MCC: variants seen among roughly 807,000 people sequenced by gnomAD.
MCC encodes MCC regulator of Wnt signaling pathway, also known as colorectal mutant cancer protein.
A neutral mutation model predicts 116.2 loss-of-function variants in MCC; 90 were observed. That is an observed-to-expected ratio of 0.77 (90% CI 0.65 to 0.92). The LOEUF is 0.92. Among genes scored for constraint, MCC ranks in the 40% least tolerant of loss-of-function variants. The pLI, the probability that MCC is intolerant of heterozygous loss-of-function variation, is 0.00. For missense variants in MCC, 1,516 were observed against 1,312.2 expected (o/e 1.16, Z -2.40); for synonymous variants, 578 against 510.5 (o/e 1.13, Z -1.78).
At position 113,027,433 on chromosome 5, in the gene MCC, G is replaced by A. The variant is rs776242771; in HGVS notation, c.2929C>T (p.Leu977=). The part of the protein sequence containing the change: ...EKAKKKHQNK[L]KKLESQMMAM... Reference sequence around the variant, plus strand: ...ATCATCTGCGACTCTAACTTCTTCAGTTTGTTTTGATGCTTTTTCTTTGCT... The same window carrying A: ...ATCATCTGCGACTCTAACTTCTTCAATTTGTTTTGATGCTTTTTCTTTGCT... The change falls in exon 19 of 19, where the codon CTG becomes TTG. Residue 977 remains leucine (L), a synonymous_variant. Transcript: ENST00000408903. 6.2e-7 allele frequency: 1 copy of A among 1,614,186 alleles called. No individual in the cohort carries two copies. The highest frequency in any genetic ancestry group is 1.1e-5 in the South Asian group (1 of 91,082).
At chr5:113,267,768 T>C (rs1765473656) in intron 3 of MCC, among the ~76,000 whole-genome samples, 1 of 152,142 alleles carries the variant, frequency 6.6e-6, no homozygotes, top group Admixed American at 6.5e-5. Flanking sequence ...GTAATGAAAA[T>C]GTTTTAAACG....
Position 113,142,460 on chromosome 5 carries a change from A to T in MCC, c.884+758T>A, listed in dbSNP as rs115059560. On this transcript the variant is annotated intron_variant, in intron 5 of 18. Transcript: ENST00000408903. ...AACCAACTAATCACTGTGGCAGGAG[A>T]CTTAGAGGCCAAGTGATTAATAAGT... is the stretch of plus-strand genomic sequence containing the variant. Among the ~76,000 whole-genome samples the T allele has an allele frequency of 6.8e-3, 1,028 of 151,982 alleles. 23 individuals carry two copies. The highest frequency in any genetic ancestry group is 0.023 in the African/African-American group (966 of 41,520).
chr5:113,135,294 C>T (rs547790692), intron 5 of MCC, among the ~76,000 whole-genome samples: 1 of 149,452 alleles, frequency 6.7e-6, no homozygotes, highest in Non-Finnish European at 1.5e-5. Context: ...GTGGCTCACA[C>T]CTGTAATCCC....
intron 3 of MCC, among the ~76,000 whole-genome samples, chr5:113,196,980 A>G (rs1235784180): frequency 6.6e-6 from 1 of 152,238 alleles, no homozygotes; most frequent in African/African-American, 2.4e-5. Flanking sequence ...ACATTGAAAT[A>G]AAAGATGCAG....
At chr5:113,396,712 C>T in intron 1 of MCC, among the ~76,000 whole-genome samples, 1 of 152,060 alleles carries the variant, frequency 6.6e-6, no homozygotes, top group East Asian at 1.9e-4. Context: ...CAAAAGGATT[C>T]CTCTGGAATT....
intron 2 of MCC, among the ~76,000 whole-genome samples, chr5:113,349,740 A>C (rs1768221119): frequency 6.6e-6 from 1 of 152,036 alleles, no homozygotes; most frequent in South Asian, 2.1e-4. Context: ...AAACTGGAAA[A>C]GAAGTCAAAT....
At chr5:113,297,749 CAAAAAAAAAAAAAA>C (rs57148050) in intron 3 of MCC, among the ~76,000 whole-genome samples, 46 of 60,544 alleles carry the variant, frequency 7.6e-4, no homozygotes, top group African/African-American at 2.5e-3. Context: ...GACTCTGTCT[CAAAAAAAAAAAAAA>C]AAAAAAAAAA....
At chr5:113,103,056 G>C (rs900168079) in intron 7 of MCC, among the ~76,000 whole-genome samples, 1 of 152,204 alleles carries the variant, frequency 6.6e-6, no homozygotes, top group African/African-American at 2.4e-5. Flanking sequence ...GGAGGTTGCA[G>C]TGAGCTGAGA....
chr5:113,480,314 A>G (rs1772346114), intron 1 of MCC, among the ~76,000 whole-genome samples: 1 of 152,220 alleles, frequency 6.6e-6, no homozygotes, highest in Non-Finnish European at 1.5e-5. Flanking sequence ...AGTTTTGACT[A>G]ATTCTCTAAT....
intron 1 of MCC, among the ~76,000 whole-genome samples, chr5:113,403,488 G>C (rs1769748625): frequency 6.6e-6 from 1 of 152,150 alleles, no homozygotes; most frequent in African/African-American, 2.4e-5. Context: ...TTAAACAAAA[G>C]GGGCTCTTCA....
At chr5:113,105,762 C>T (rs560532872) in intron 6 of MCC, among the ~76,000 whole-genome samples, 7 of 152,324 alleles carry the variant, frequency 4.6e-5, no homozygotes, top group South Asian at 4.1e-4. Context: ...CTACTCTCCA[C>T]GCGGTCACCA....
intron 3 of MCC, among the ~76,000 whole-genome samples, chr5:113,162,174 C>T (rs1300995804): frequency 6.6e-6 from 1 of 152,136 alleles, no homozygotes; most frequent in Non-Finnish European, 1.5e-5. Flanking sequence ...ACCCAGCCAA[C>T]AATAGTCCCA....
At chr5:113,465,902 G>A (rs560188687) in intron 1 of MCC, among the ~76,000 whole-genome samples, 14 of 152,108 alleles carry the variant, frequency 9.2e-5, no homozygotes, top group African/African-American at 3.1e-4. Context: ...GACTGCTGAT[G>A]TTAAACTCTG....
rs566535926 is a variant in MCC, at chr5:113,471,391, A to C, written c.170+16854T>G. Among the ~76,000 whole-genome samples the C allele has an allele frequency of 2.0e-5, 3 of 151,612 alleles. No individual in the cohort carries two copies. The East Asian group carries it at 5.8e-4, about 29-fold the overall frequency. On this transcript the variant is annotated intron_variant, in intron 1 of 18. Transcript: ENST00000408903. Reference sequence around the variant, plus strand: ...TGTTTGTTAGTTTTCCTTCTAACAGACAGGACCCTCAACTGCAGGTCTGTT... The same window carrying C: ...TGTTTGTTAGTTTTCCTTCTAACAGCCAGGACCCTCAACTGCAGGTCTGTT...
At chr5:113,031,431 C>T (rs1000078732) in intron 17 of MCC, among the ~76,000 whole-genome samples, 6 of 151,382 alleles carry the variant, frequency 4.0e-5, no homozygotes, top group African/African-American at 1.2e-4. Context: ...AACACCTCCT[C>T]GGCCTTCCCA....
chr5:113,471,460 T>G (rs1419539156), intron 1 of MCC, among the ~76,000 whole-genome samples: 1 of 152,146 alleles, frequency 6.6e-6, no homozygotes, highest in South Asian at 2.1e-4. Context: ...TGCCTGGGTA[T>G]CGGCAGCGGT....
chr5:113,051,794 C>T (rs1752506166), intron 15 of MCC, among the ~76,000 whole-genome samples: 1 of 152,144 alleles, frequency 6.6e-6, no homozygotes, highest in African/African-American at 2.4e-5. Context: ...AGCACATCAT[C>T]TAGAAATGAA....
chr5:113,464,118 GA>G (rs35841433), intron 1 of MCC, among the ~76,000 whole-genome samples: 104,722 of 151,884 alleles, frequency 0.69, 36,522 homozygotes, highest in East Asian at 0.88. Context: ...TTGATTCAAT[GA>G]AGTGACAATA....
At chr5:113,385,693 T>C (rs1343584794) in intron 1 of MCC, among the ~76,000 whole-genome samples, 2 of 152,218 alleles carry the variant, frequency 1.3e-5, no homozygotes, top group Non-Finnish European at 2.9e-5. Context: ...CAGCTAACTT[T>C]AGTACTTGTT....
Sources: gnomAD v4.1 joint callset for allele counts (sites outside exome capture counted in the v4.1 genomes callset) on GRCh38, gnomAD v4.1.1 for gene constraint, MANE v1.5 for transcripts, NCBI Gene and HGNC (gene_info 2026-07-23, HGNC 2026-07-21) for gene names.